The following AGAP1 variants were observed in gnomAD, a reference collection of about 807,000 sequenced individuals.
AGAP1 encodes the protein ArfGAP with GTPase domain, ankyrin repeat and PH domain 1.
AGAP1 carries 29 observed loss-of-function variants against 105.3 expected under a neutral mutation model. The observed-to-expected ratio is 0.28, with a 90% CI of 0.21 to 0.38. The LOEUF is 0.38. Among genes scored for constraint, AGAP1 ranks in the 10% least tolerant of loss-of-function variants. The probability of loss-of-function intolerance (pLI) is 1.00; values close to 1 mark genes in which losing one functional copy is unlikely to be tolerated. For missense variants in AGAP1, 998 were observed against 1,165.1 expected, an observed-to-expected ratio of 0.86 and a Z score of 2.09; for synonymous variants, 509 against 485.9, an observed-to-expected ratio of 1.05 and a Z score of -0.63.
At position 236,080,994 on chromosome 2, in the gene AGAP1, C is replaced by T. The variant is rs2058766044; in HGVS notation, c.2114+31713C>T. On this transcript the variant is annotated intron_variant, in intron 16 of 17. Transcript: ENST00000304032. The surrounding 1 kb of genome is among the most constrained non-coding windows in gnomAD (Gnocchi z 4.2). ...CATGTAAGGTCACATAGTCACAGGT[C>T]CTGGGGATTAGGACGTTGACATCTT... 6.6e-6 allele frequency among the ~76,000 whole-genome samples: 1 copy of T among 152,188 alleles called. No homozygotes were observed. The highest frequency in any genetic ancestry group is 2.1e-4 in the South Asian group (1 of 4,830).
Position 236,105,092 on chromosome 2 carries a change from G to C in AGAP1, c.2115-15100G>C, listed in dbSNP as rs762725357. The stretch of plus-strand genomic sequence containing the variant: ...AGCTGAGTTCCTTCTGTCTGTCTCG[G>C]TGAGAGAAGGCACGGCCCTCACCCA... On this transcript the variant is annotated intron_variant, in intron 16 of 17. Transcript: ENST00000304032. This position sits in a 1 kb window ranked among gnomAD's most constrained non-coding sequence, Gnocchi z 4.2. Among the ~76,000 whole-genome samples, 5 of 152,040 alleles carry C rather than the reference G, an allele frequency of 3.3e-5. No individual in the cohort carries two copies. The highest frequency in any genetic ancestry group is 7.4e-5 in the Non-Finnish European group (5 of 68,010).
rs144652670 is a variant in AGAP1, at chr2:235,818,794, G to A, written c.1050+11463G>A. Reference sequence around the variant, plus strand: ...GGTTTCACCATGTTAGGCTGTTCTCGAACTCCTGACCTTAGGTGATCCACC... The same window carrying A: ...GGTTTCACCATGTTAGGCTGTTCTCAAACTCCTGACCTTAGGTGATCCACC... On this transcript the variant is annotated intron_variant, in intron 9 of 17. Coordinates refer to ENST00000304032, the MANE Select transcript of AGAP1 (RefSeq NM_001037131.3). Among the ~76,000 whole-genome samples the A allele has an allele frequency of 5.1e-3, 779 of 152,236 alleles. 9 individuals are homozygous for A. Among genetic ancestry groups the A allele is most frequent in the African/African-American group, 0.017 (726 of 41,540 alleles).
intron 10 of AGAP1, among the ~76,000 whole-genome samples, chr2:235,890,816 G>A (rs955789000): frequency 2.0e-5 from 3 of 151,888 alleles, no homozygotes; most frequent in African/African-American, 7.2e-5. Flanking sequence ...AGACTCTGAA[G>A]AATGTGAGCT....
chr2:236,089,527 G>A lies in AGAP1; in HGVS notation c.2115-30665G>A, dbSNP rs1488696344. 6.6e-6 allele frequency among the ~76,000 whole-genome samples: 1 copy of A among 152,222 alleles called. No homozygotes were observed. The highest frequency in any genetic ancestry group is 1.5e-5 in the Non-Finnish European group (1 of 68,040). On this transcript the variant is annotated intron_variant, in intron 16 of 17. Transcript: ENST00000304032. This position sits in a 1 kb window ranked among gnomAD's most constrained non-coding sequence, Gnocchi z 5.6. ...GGCCTGCGCCTGTTGCCGTTGATGA[G>A]ACCCAAAGTCTGGAACGAATCTGGT...
chr2:235,653,240 C>T (rs982372883), intron 1 of AGAP1, among the ~76,000 whole-genome samples: 7 of 152,010 alleles, frequency 4.6e-5, no homozygotes, highest in African/African-American at 9.7e-5. Flanking sequence ...CCAAGGCGGG[C>T]GGATCACGAG....
intron 13 of AGAP1, among the ~76,000 whole-genome samples, chr2:236,031,635 C>T (rs530523708): frequency 6.6e-6 from 1 of 152,296 alleles, no homozygotes; most frequent in East Asian, 1.9e-4. Context: ...ATTCAAGGGC[C>T]TGAAACCCCC....
intron 16 of AGAP1, among the ~76,000 whole-genome samples, chr2:236,066,018 T>C (rs1387529264): frequency 2.0e-5 from 3 of 152,164 alleles, no homozygotes; most frequent in Admixed American, 6.5e-5. Context: ...CTCGTGGCCC[T>C]CAGTGGGATG....
intron 1 of AGAP1, among the ~76,000 whole-genome samples, chr2:235,595,757 C>CA (rs1206664447): frequency 3.3e-5 from 5 of 152,154 alleles, no homozygotes; most frequent in Non-Finnish European, 1.5e-5. Flanking sequence ...GTGAAATTAA[C>CA]AAAAACTAGC....
rs1444302725 is a variant in AGAP1 at position 235,965,420 on chromosome 2, C to T, written c.1484-3042C>T. Among the ~76,000 whole-genome samples, 3 of 152,180 alleles carry T rather than the reference C, an allele frequency of 2.0e-5. No homozygotes were observed. Among genetic ancestry groups the T allele is most frequent in the Non-Finnish European group, 2.9e-5 (2 of 68,008 alleles). On this transcript the variant is annotated intron_variant, in intron 12 of 17. Transcript: ENST00000304032. This position sits in a 1 kb window ranked among gnomAD's most constrained non-coding sequence, Gnocchi z 5.8. ...AGGAAGGCACAGTGAAACAGTGTGC[C>T]GTTTTGAAGAAGCAATGGTGAAGGA... is the stretch of plus-strand genomic sequence containing the variant.
chr2:235,695,002 G>A (rs1405162916), intron 1 of AGAP1, among the ~76,000 whole-genome samples: 2 of 152,212 alleles, frequency 1.3e-5, no homozygotes, highest in Non-Finnish European at 2.9e-5. Flanking sequence ...GAGAATGTAA[G>A]TATTTAAAAA....
At chr2:235,918,560 G>C (rs2052017405) in intron 11 of AGAP1, among the ~76,000 whole-genome samples, 1 of 152,200 alleles carries the variant, frequency 6.6e-6, no homozygotes, top group Admixed American at 6.5e-5. Context: ...TGCTCCCACT[G>C]AGGTTTAGGC....
chr2:236,112,742 C>T (rs933566017), intron 16 of AGAP1, among the ~76,000 whole-genome samples: 8 of 152,248 alleles, frequency 5.3e-5, no homozygotes, highest in African/African-American at 1.9e-4. Context: ...CCCGCTCTCT[C>T]AGTCTGGTCC....
rs905145401 is a variant in AGAP1 at position 235,728,755 on chromosome 2, A to G, written c.310+11111A>G. On this transcript the variant is annotated intron_variant, in intron 3 of 17. Coordinates refer to ENST00000304032, the MANE Select transcript of AGAP1 (RefSeq NM_001037131.3). This position sits in a 1 kb window ranked among gnomAD's most constrained non-coding sequence, Gnocchi z 4.3. ...AACACTTGCTCTTTGAAGGCCAAAT[A>G]CATTGAAATGAAAGCGTGCCTAGTG... Among the ~76,000 whole-genome samples the G allele has an allele frequency of 6.6e-6, 1 of 152,184 alleles. No homozygotes were observed. Among genetic ancestry groups the G allele is most frequent in the Non-Finnish European group, 1.5e-5 (1 of 68,032 alleles).
At position 235,571,975 on chromosome 2, in the gene AGAP1, T is replaced by TACACACAC. The variant is rs371181654; in HGVS notation, c.163+77147_163+77154dup. Among the ~76,000 whole-genome samples the TACACACAC allele has an allele frequency of 1.1e-3, 88 of 79,022 alleles. 1 individual carries two copies. The highest frequency in any genetic ancestry group is 8.9e-3 in the Middle Eastern group (1 of 112). 51.8% of individuals were successfully genotyped at this position (79,022 alleles called of 152,430 possible). On this transcript the variant is annotated intron_variant, in intron 1 of 17. Transcript: ENST00000304032. ...GTGTGTGTGTATACATATATATGTATACACACACACACACACACACACACA... is the reference window on the plus strand; with the variant it reads ...GTGTGTGTGTATACATATATATGTATACACACACACACACACACACACACACACACACA...
chr2:235,591,834 A>C (rs949674440), intron 1 of AGAP1, among the ~76,000 whole-genome samples: 10 of 152,122 alleles, frequency 6.6e-5, no homozygotes, highest in African/African-American at 2.4e-4. Context: ...CTGGTTGTTT[A>C]AAAGAGCCTG....
chr2:235,789,171 A>G lies in AGAP1; in HGVS notation c.674-8588A>G, dbSNP rs1246795126. Among the ~76,000 whole-genome samples, 7 of 152,178 alleles carry G rather than the reference A, an allele frequency of 4.6e-5. No homozygotes were observed. The highest frequency in any genetic ancestry group is 7.2e-5 in the African/African-American group (3 of 41,436). On this transcript the variant is annotated intron_variant, in intron 6 of 17. Transcript: ENST00000304032. This position sits in a 1 kb window ranked among gnomAD's most constrained non-coding sequence, Gnocchi z 4.2. ...ACATATTAAAAATGTCAAATACACCATATTTGTTTCAGCACAGGGTTTTTG... is the reference window on the plus strand; with the variant it reads ...ACATATTAAAAATGTCAAATACACCGTATTTGTTTCAGCACAGGGTTTTTG...
chr2:235,757,628 C>T (rs1433383330), intron 6 of AGAP1, among the ~76,000 whole-genome samples: 1 of 152,204 alleles, frequency 6.6e-6, no homozygotes, highest in Admixed American at 6.5e-5. Context: ...TGTCCCTTCC[C>T]AGTAACGGCT....
At chr2:235,704,602 C>G (rs55730807) in intron 1 of AGAP1, among the ~76,000 whole-genome samples, 1 of 151,430 alleles carries the variant, frequency 6.6e-6, no homozygotes, top group Non-Finnish European at 1.5e-5. Flanking sequence ...GCCAAGATCG[C>G]GCCACTACAC....
At chr2:236,084,048 T>C (rs531545802) in intron 16 of AGAP1, among the ~76,000 whole-genome samples, 10 of 152,016 alleles carry the variant, frequency 6.6e-5, no homozygotes, top group Non-Finnish European at 1.2e-4. Context: ...ACTCACAAAG[T>C]CTGGAGGATT....
Sources: allele counts gnomAD v4.1 joint callset (sites outside exome capture counted in the v4.1 genomes callset), GRCh38; gene constraint gnomAD v4.1.1; non-coding constraint Gnocchi (gnomAD v3.1); transcripts MANE v1.5; gene names NCBI Gene and HGNC (gene_info 2026-07-23, HGNC 2026-07-21).